The following JAM2 variants were observed in gnomAD, a reference collection of about 807,000 sequenced individuals.
JAM2 encodes the protein junctional adhesion molecule 2.
JAM2 carries 17 observed loss-of-function variants against 42.0 expected under a neutral mutation model. That is an observed-to-expected ratio of 0.40 (90% confidence interval 0.28 to 0.61). JAM2 has a LOEUF of 0.61. Among genes scored for constraint, JAM2 ranks in the 20% least tolerant of loss-of-function variants. The probability of loss-of-function intolerance (pLI) is 0.37; values close to 1 mark genes in which losing one functional copy is unlikely to be tolerated. For missense variants in JAM2, 319 were observed against 358.3 expected, an observed-to-expected ratio of 0.89 and a Z score of 0.89; for synonymous variants, 118 against 128.6, an observed-to-expected ratio of 0.92 and a Z score of 0.56.
chr21:25,699,755 ATG>A (rs2034127265), intron 5 of JAM2, among the ~76,000 whole-genome samples: 1 of 133,020 alleles, frequency 7.5e-6, no homozygotes. Context: ...AAAAAAAAAA[ATG>A]CATGCTGCCT....
At chr21:25,648,993 C>T (rs1269136620) in intron 1 of JAM2, among the ~76,000 whole-genome samples, 1 of 152,020 alleles carries the variant, frequency 6.6e-6, no homozygotes, top group Non-Finnish European at 1.5e-5. Flanking sequence ...CCTAAAACTC[C>T]CTCCTCCTCT....
At chr21:25,660,462 G>T (rs2033049107) in intron 1 of JAM2, among the ~76,000 whole-genome samples, 1 of 151,912 alleles carries the variant, frequency 6.6e-6, no homozygotes. Flanking sequence ...AAATTTTATG[G>T]GACCTATTCC....
chr21:25,714,235 A>G, intron 9 of JAM2: 2 of 1,300,838 alleles, frequency 1.5e-6, no homozygotes, highest in Non-Finnish European at 2.0e-6. Context: ...GGCCAGGTGC[A>G]GTGGCTCACG....
intron 1 of JAM2, among the ~76,000 whole-genome samples, chr21:25,668,699 G>C (rs951099135): frequency 1.3e-5 from 2 of 152,340 alleles, no homozygotes; most frequent in East Asian, 1.9e-4. Flanking sequence ...GTTCAGCAAA[G>C]ATGTCCAGAA....
At chr21:25,699,699 G>C (rs897296713) in intron 5 of JAM2, among the ~76,000 whole-genome samples, 3 of 138,224 alleles carry the variant, frequency 2.2e-5, no homozygotes, top group African/African-American at 5.8e-5. Flanking sequence ...CTCCAGCCTG[G>C]GTGACAGAGC....
In JAM2 at chr21:25,664,040, A is replaced by G. The variant is rs376073776; in HGVS notation, c.68-19843A>G. Among the ~76,000 whole-genome samples the G allele has an allele frequency of 1.8e-4, 27 of 152,278 alleles. No individual in the cohort carries two copies. The South Asian group carries it at 4.4e-3, about 25-fold the overall frequency. On this transcript the variant is annotated intron_variant, in intron 1 of 9. Transcript: ENST00000480456. ...CAAATCTCTACAACTTAATGTAGGAAAGAACCCCACTATGATTCTCCAAGG... is the reference window on the plus strand; with the variant it reads ...CAAATCTCTACAACTTAATGTAGGAGAGAACCCCACTATGATTCTCCAAGG...
chr21:25,647,874 T>C (rs1484856716), intron 1 of JAM2, among the ~76,000 whole-genome samples: 5 of 152,080 alleles, frequency 3.3e-5, no homozygotes, highest in Non-Finnish European at 2.9e-5. Flanking sequence ...TCTGGGCAAG[T>C]GCTAAATTTG....
chr21:25,663,560 A>G (rs1450323402), intron 1 of JAM2, among the ~76,000 whole-genome samples: 1 of 152,148 alleles, frequency 6.6e-6, no homozygotes, highest in East Asian at 1.9e-4. Flanking sequence ...CCATTCATAG[A>G]TTAACAATTT....
rs541248252 is a variant in JAM2, at chr21:25,717,537, G to A, written c.*2865G>A. 75 of 1,246,690 alleles carry A rather than the reference G, an allele frequency of 6.0e-5. No homozygotes were observed. The Admixed American group carries it at 1.5e-3, about 25-fold the overall frequency. The allele number at this position is 1,246,690 out of a possible 1,614,324, so 77.2% of individuals were successfully genotyped here. ...CCTTTTTCCACAGGTGGCTTTGTTC[G>A]ATTAAAGTCTACACTAATAAAAATA... On this transcript the variant is annotated 3_prime_UTR_variant, in exon 10 of 10. Coordinates refer to ENST00000480456, the MANE Select transcript of JAM2 (RefSeq NM_021219.4).
At chr21:25,699,331 T>C (rs1568915554) in intron 5 of JAM2, among the ~76,000 whole-genome samples, 1 of 152,196 alleles carries the variant, frequency 6.6e-6, no homozygotes, top group Non-Finnish European at 1.5e-5. Flanking sequence ...GGAAAGTGCA[T>C]TAACCCTTTT....
intron 1 of JAM2, among the ~76,000 whole-genome samples, chr21:25,671,740 C>A (rs2033367550): frequency 6.6e-6 from 1 of 152,202 alleles, no homozygotes; most frequent in African/African-American, 2.4e-5. Flanking sequence ...AACTCCTGAC[C>A]TCAAGCAATC....
intron 1 of JAM2, among the ~76,000 whole-genome samples, chr21:25,675,712 C>T (rs1406590236): frequency 6.6e-6 from 1 of 152,102 alleles, no homozygotes; most frequent in Non-Finnish European, 1.5e-5. Context: ...ATCATGACAA[C>T]AGTTCCAAGG....
chr21:25,657,670 A>C (rs1393340298), intron 1 of JAM2, among the ~76,000 whole-genome samples: 1 of 152,194 alleles, frequency 6.6e-6, no homozygotes, highest in Non-Finnish European at 1.5e-5. Context: ...GTTTTAGAAA[A>C]GCTACCTTAT....
intron 1 of JAM2, among the ~76,000 whole-genome samples, chr21:25,655,969 G>T (rs2032929612): frequency 6.7e-6 from 1 of 150,042 alleles, no homozygotes; most frequent in Non-Finnish European, 1.5e-5. Context: ...ATTCAACCCT[G>T]TCATCAGCTA....
At chr21:25,689,384 G>A (rs533261485) in intron 2 of JAM2, among the ~76,000 whole-genome samples, 2 of 152,138 alleles carry the variant, frequency 1.3e-5, no homozygotes. Context: ...TGCCTTTCTT[G>A]GGTACTAAGC....
chr21:25,641,113 C>A (rs2032426719), intron 1 of JAM2, among the ~76,000 whole-genome samples: 1 of 152,010 alleles, frequency 6.6e-6, no homozygotes, highest in Non-Finnish European at 1.5e-5. Flanking sequence ...CAATGAAACC[C>A]TTGTGCAATT....
chr21:25,708,544 G>T (rs1250835751), intron 7 of JAM2, among the ~76,000 whole-genome samples: 2 of 152,140 alleles, frequency 1.3e-5, no homozygotes, highest in South Asian at 2.1e-4. Context: ...CTCCAAGCTG[G>T]ATAACAGAGC....
At chr21:25,710,801 T>C (rs2034368927) in intron 8 of JAM2, among the ~76,000 whole-genome samples, 1 of 152,186 alleles carries the variant, frequency 6.6e-6, no homozygotes, top group Non-Finnish European at 1.5e-5. Context: ...CTGGAGGGCT[T>C]TAAGCAGAGG....
chr21:25,688,441 G>A (rs1437539107), intron 2 of JAM2, among the ~76,000 whole-genome samples: 2 of 152,148 alleles, frequency 1.3e-5, no homozygotes, highest in African/African-American at 2.4e-5. Flanking sequence ...ACAAAATACC[G>A]GAAGGAAACC....
Sources: gnomAD v4.1 joint callset for allele counts (sites outside exome capture counted in the v4.1 genomes callset) on GRCh38, gnomAD v4.1.1 for gene constraint, MANE v1.5 for transcripts, NCBI Gene and HGNC (gene_info 2026-07-23, HGNC 2026-07-21) for gene names.